The following EPN2 variants were observed in gnomAD, a reference collection of about 807,000 sequenced individuals.
EPN2 encodes the protein epsin 2.
A neutral mutation model predicts 61.7 loss-of-function variants in EPN2; 34 were observed. The ratio of observed to expected loss-of-function variants is 0.55; its 90% CI spans 0.42 to 0.73. EPN2 has a LOEUF of 0.73. EPN2 is among the 30% of genes least tolerant of loss of function. The pLI is 0.00. For missense variants in EPN2, 714 were observed against 839.2 expected (o/e 0.85, Z 1.84); for synonymous variants, 349 against 353.6 (o/e 0.99, Z 0.15).
chr17:19,332,214 G>C, intron 10 of EPN2, 146 bp downstream of exon 10: 1 of 656,588 alleles, frequency 1.5e-6, no homozygotes, highest in Non-Finnish European at 2.6e-6. Context: ...GCCCTCGCCA[G>C]TGCTGCATGG....
intron 1 of EPN2, among the ~76,000 whole-genome samples, chr17:19,267,119 G>A (rs1234723793): frequency 4.0e-5 from 6 of 151,722 alleles, no homozygotes; most frequent in African/African-American, 1.2e-4. Context: ...GATGACAGGC[G>A]TGAGCCACTG....
At chr17:19,314,975 A>C (rs910817574) in intron 7 of EPN2, among the ~76,000 whole-genome samples, 1 of 152,206 alleles carries the variant, frequency 6.6e-6, no homozygotes, top group Non-Finnish European at 1.5e-5. Context: ...AAACTGTCGG[A>C]TAGTTGTCTT....
chr17:19,316,439 A>C (rs911150369), intron 7 of EPN2, among the ~76,000 whole-genome samples: 1 of 152,192 alleles, frequency 6.6e-6, no homozygotes, highest in Non-Finnish European at 1.5e-5. Context: ...GACATTGTTA[A>C]TAGGTTTGGG....
At chr17:19,328,987 G>A in intron 8 of EPN2, 100 bp downstream of exon 8, 3 of 1,120,888 alleles carry the variant, frequency 2.7e-6, no homozygotes, top group Non-Finnish European at 3.8e-6. Flanking sequence ...TGCTTTGCTT[G>A]CATTTGCTCC....
intron 1 of EPN2, among the ~76,000 whole-genome samples, chr17:19,240,401 A>C (rs752066413): frequency 6.6e-6 from 1 of 152,108 alleles, no homozygotes; most frequent in African/African-American, 2.4e-5. Flanking sequence ...GTGTGCCACC[A>C]TGCCCGGCTA....
chr17:19,266,078 C>G (rs909392287), intron 1 of EPN2, among the ~76,000 whole-genome samples: 2 of 152,136 alleles, frequency 1.3e-5, no homozygotes, highest in Non-Finnish European at 2.9e-5. Flanking sequence ...TGCCCTAATC[C>G]TTTCTCCCAC....
At chr17:19,288,405 C>T (rs996772188) in intron 4 of EPN2, among the ~76,000 whole-genome samples, 18 of 152,168 alleles carry the variant, frequency 1.2e-4, no homozygotes, top group African/African-American at 3.4e-4. Context: ...AATGAGCGCT[C>T]TGGAAAACAG....
intron 4 of EPN2, among the ~76,000 whole-genome samples, chr17:19,309,123 C>A (rs181808276): frequency 1.3e-5 from 2 of 150,158 alleles, no homozygotes; most frequent in Admixed American, 6.6e-5. Context: ...AGTAACACTA[C>A]GAGAGACAAA....
rs77850971 is a variant in EPN2, at chr17:19,269,052, G to A, written c.-293-12903G>A. Among the ~76,000 whole-genome samples the A allele has an allele frequency of 6.5e-3, 989 of 152,318 alleles. 53 individuals carry two copies. The East Asian group carries it at 0.12, about 18-fold the overall frequency. ...ATGGTGGTCATGTTCCAGGCCTTGA[G>A]GGGACTGTGGAGTCATGGGGACTTA... On this transcript the variant is annotated intron_variant, in intron 1 of 10. Transcript: ENST00000314728.
intron 4 of EPN2, chr17:19,296,943 A>G (rs73982655): frequency 6.6e-6 from 1 of 152,238 alleles, no homozygotes; most frequent in Admixed American, 6.5e-5. Flanking sequence ...ACTTTTTCCC[A>G]AGCATTTTCT....
chr17:19,277,274 G>C (rs930013198), intron 1 of EPN2, among the ~76,000 whole-genome samples: 1 of 151,844 alleles, frequency 6.6e-6, no homozygotes, highest in South Asian at 2.1e-4. Context: ...GGTGGCAGGT[G>C]CCTATAATCC....
chr17:19,313,045 A>G (rs1799152436), intron 6 of EPN2, 60 bp from the exon 7 acceptor site: 2 of 1,554,316 alleles, frequency 1.3e-6, no homozygotes, highest in Non-Finnish European at 1.8e-6. Context: ...TGGCTAGTTC[A>G]TGAGTATTTG....
intron 4 of EPN2, among the ~76,000 whole-genome samples, chr17:19,307,486 G>C (rs1905904016): frequency 6.6e-6 from 1 of 151,972 alleles, no homozygotes; most frequent in Non-Finnish European, 1.5e-5. Context: ...AATTTATTTT[G>C]TATTTTTAGT....
At chr17:19,326,480 A>T (rs1288391216) in intron 7 of EPN2, among the ~76,000 whole-genome samples, 1 of 152,084 alleles carries the variant, frequency 6.6e-6, no homozygotes, top group African/African-American at 2.4e-5. Context: ...AGGTCAGGAG[A>T]TCGAGACCAT....
intron 4 of EPN2, chr17:19,297,090 T>G (rs1055698148): frequency 7.2e-5 from 11 of 152,270 alleles, no homozygotes; most frequent in Non-Finnish European, 1.5e-4. Flanking sequence ...TGAAGATCCC[T>G]AAGTCATCCT....
At chr17:19,267,476 A>G (rs1044286308) in intron 1 of EPN2, among the ~76,000 whole-genome samples, 3 of 152,080 alleles carry the variant, frequency 2.0e-5, no homozygotes, top group African/African-American at 7.2e-5. Flanking sequence ...TGTTACTTAA[A>G]GTGAGTATTT....
intron 4 of EPN2, among the ~76,000 whole-genome samples, chr17:19,301,078 C>CA (rs1905486151): frequency 1.3e-5 from 2 of 152,222 alleles, no homozygotes; most frequent in South Asian, 4.2e-4. Flanking sequence ...AGGCTCGAGG[C>CA]AGGAAGGAGC....
chr17:19,326,633 G>A (rs1228729770), intron 7 of EPN2, among the ~76,000 whole-genome samples: 1 of 140,236 alleles, frequency 7.1e-6, no homozygotes, highest in Non-Finnish European at 1.5e-5. Flanking sequence ...CTTGCAGTTA[G>A]CGATGATTGC....
rs189380204 is a variant in EPN2, at chr17:19,241,751, A to G, written c.-294+4220A>G. Among the ~76,000 whole-genome samples, 41 of 152,258 alleles carry G rather than the reference A, an allele frequency of 2.7e-4. No individual in the cohort carries two copies. In the East Asian group the frequency reaches 7.5e-3, roughly 28 times the overall value. On this transcript the variant is annotated intron_variant, in intron 1 of 10. Transcript: ENST00000314728. ...CGTTTCAGCAGCCTTTTTTTAAACC[A>G]CTGTAATTTCCATCAACATTTAACA...
Sources: allele counts gnomAD v4.1 joint callset (sites outside exome capture counted in the v4.1 genomes callset), GRCh38; gene constraint gnomAD v4.1.1; transcripts MANE v1.5; gene names NCBI Gene and HGNC (gene_info 2026-07-23, HGNC 2026-07-21).